WNK1: variants seen among roughly 807,000 people sequenced by gnomAD.
WNK1 encodes the protein WNK lysine deficient protein kinase 1.
WNK1 carries 38 observed loss-of-function variants against 222.8 expected under a neutral mutation model. The observed-to-expected ratio is 0.17, with a 90% CI of 0.13 to 0.22. The LOEUF is 0.22. WNK1 is among the 10% of genes least tolerant of loss of function. The probability of loss-of-function intolerance (pLI) is 1.00; values close to 1 mark genes in which losing one functional copy is unlikely to be tolerated. For synonymous variants in WNK1, 1,090 were observed against 1,092.9 expected (o/e 1.00, Z 0.05); for missense variants, 2,348 against 2,918.4 (o/e 0.80, Z 4.50).
At chr12:870,887 C>T (rs1308659546) in intron 8 of WNK1, among the ~76,000 whole-genome samples, 1 of 152,192 alleles carries the variant, frequency 6.6e-6, no homozygotes, top group Non-Finnish European at 1.5e-5. Context: ...AAATACCTTT[C>T]TTTAATTCTT....
At chr12:903,182 G>A (rs1162608663) in intron 26 of WNK1, among the ~76,000 whole-genome samples, 2 of 152,146 alleles carry the variant, frequency 1.3e-5, no homozygotes, top group African/African-American at 4.8e-5. Flanking sequence ...CCTATTATTT[G>A]TACCTGTATT....
chr12:866,996 G>A (rs531498776), intron 8 of WNK1, among the ~76,000 whole-genome samples: 298 of 152,158 alleles, frequency 2.0e-3, no homozygotes, highest in African/African-American at 6.6e-3. Context: ...GGTGGCGCAC[G>A]CGTGTAGTCC....
At position 868,515 on chromosome 12, in the gene WNK1, C is replaced by T. The variant is rs769973198; in HGVS notation, c.2140-2750C>T. The T allele has an allele frequency of 1.3e-5, 21 of 1,613,862 alleles. No individual in the cohort carries two copies. Among genetic ancestry groups the T allele is most frequent in the Non-Finnish European group, 1.8e-5 (21 of 1,179,880 alleles). On this transcript the variant is annotated intron_variant, in intron 8 of 27. Coordinates refer to ENST00000315939, the MANE Select transcript of WNK1 (RefSeq NM_018979.4). ...CCGGGATCTCCCCTCTCTAGTATTT[C>T]TGCACCTATCAGTACAGATGCTACA...
intron 23 of WNK1, among the ~76,000 whole-genome samples, chr12:894,890 G>A (rs971872315): frequency 3.9e-5 from 6 of 152,108 alleles, no homozygotes; most frequent in Admixed American, 3.9e-4. Flanking sequence ...ACTTTTTGGG[G>A]TGTATTTCCT....
At chr12:811,206 CATT>C (rs1421658738) in intron 1 of WNK1, among the ~76,000 whole-genome samples, 6 of 152,154 alleles carry the variant, frequency 3.9e-5, no homozygotes, top group Admixed American at 6.5e-5. Flanking sequence ...AAAATTTTAT[CATT>C]GTATTCATGA....
At chr12:809,192 G>A (rs1946670613) in intron 1 of WNK1, among the ~76,000 whole-genome samples, 1 of 145,430 alleles carries the variant, frequency 6.9e-6, no homozygotes, top group African/African-American at 2.6e-5. Flanking sequence ...AGAACAACCA[G>A]GTAACCAGAT....
At position 861,231 on chromosome 12, in the gene WNK1, AC is replaced by A; in HGVS notation, c.1841del (p.Pro614LeufsTer14). On this transcript the variant is annotated frameshift_variant, in exon 7 of 28. Transcript: ENST00000315939. LOFTEE classifies it high-confidence loss of function. Reference sequence around the variant, plus strand: ...AGCTCCCTTCTGCTAGCACCGGCATACCTACTGCTTCTACCACTTCAGCTTC... The same window carrying A: ...AGCTCCCTTCTGCTAGCACCGGCATACTACTGCTTCTACCACTTCAGCTTC... The part of the protein sequence containing the change: ...KQLPSASTGI[P>X]TASTTSASVS... 6.2e-7 allele frequency: 1 copy of A among 1,614,096 alleles called. No individual in the cohort carries two copies. Among genetic ancestry groups the A allele is most frequent in the Non-Finnish European group, 8.5e-7 (1 of 1,180,000 alleles).
rs1953584522 is a variant in WNK1 at position 885,676 on chromosome 12, A to G, written c.4872A>G (p.Pro1624=). The change falls in exon 19 of 28, where the codon CCA becomes CCG. Residue 1624 remains proline, a synonymous_variant. Coordinates refer to ENST00000315939, the MANE Select transcript of WNK1 (RefSeq NM_018979.4). ...CACTAATTCATAGTCAGCCTCAACC[A>G]GCTTTGCTTCCCAACCAGCCCCATA... ...QQTLIHSQPQ[P]ALLPNQPHTH... 6.2e-7 allele frequency: 1 copy of G among 1,614,168 alleles called. No individual in the cohort carries two copies. The highest frequency in any genetic ancestry group is 8.5e-7 in the Non-Finnish European group (1 of 1,180,018).
intron 1 of WNK1, among the ~76,000 whole-genome samples, chr12:787,517 G>A (rs1026092885): frequency 2.0e-5 from 3 of 152,178 alleles, no homozygotes; most frequent in African/African-American, 7.2e-5. Context: ...CTATTATTAG[G>A]TGTCAGTTAT....
intron 4 of WNK1, among the ~76,000 whole-genome samples, chr12:856,128 G>A (rs560127817): frequency 5.1e-4 from 77 of 151,532 alleles, no homozygotes; most frequent in Non-Finnish European, 7.8e-4. Context: ...TGTGAGCCAC[G>A]GCGCCCAACC....
intron 4 of WNK1, among the ~76,000 whole-genome samples, chr12:850,938 T>A (rs953000257): frequency 1.6e-4 from 24 of 152,224 alleles, no homozygotes; most frequent in Admixed American, 8.5e-4. Flanking sequence ...TATCTCTGTT[T>A]TGGTACCAGT....
At chr12:846,231 A>AG (rs1591985155) in intron 4 of WNK1, among the ~76,000 whole-genome samples, 2 of 152,202 alleles carry the variant, frequency 1.3e-5, no homozygotes, top group Admixed American at 1.3e-4. Context: ...TATTTAACAG[A>AG]GAAAAACTTA....
intron 4 of WNK1, among the ~76,000 whole-genome samples, chr12:834,622 G>A (rs1475268827): frequency 6.6e-6 from 1 of 152,162 alleles, no homozygotes; most frequent in South Asian, 2.1e-4. Context: ...ATTGCCATAC[G>A]ATCTTGAGCA....
At chr12:841,146 T>C (rs1949596301) in intron 4 of WNK1, among the ~76,000 whole-genome samples, 1 of 152,212 alleles carries the variant, frequency 6.6e-6, no homozygotes, top group Non-Finnish European at 1.5e-5. Flanking sequence ...TTTTTAAGTA[T>C]ACTGTTCACT....
intron 1 of WNK1, among the ~76,000 whole-genome samples, chr12:762,672 C>T (rs1472619269): frequency 6.8e-6 from 1 of 147,380 alleles, no homozygotes; most frequent in African/African-American, 2.4e-5. Flanking sequence ...AGATTAAAGG[C>T]ATACAGGGGG....
intron 1 of WNK1, among the ~76,000 whole-genome samples, chr12:780,264 A>G (rs1441694488): frequency 5.3e-5 from 8 of 152,240 alleles, no homozygotes; most frequent in African/African-American, 1.9e-4. Context: ...TATTTTGGAT[A>G]TACTTCAAGT....
In WNK1 at chr12:759,768, G is replaced by C. The variant is rs1050834544; in HGVS notation, c.759+5444G>C. ...TTGCCTGGGCTCAAATCAAGGCTCA[G>C]CTACATAATTGTGTCACCTTGAGCA... On this transcript the variant is annotated intron_variant, in intron 1 of 27. Coordinates refer to ENST00000315939, the MANE Select transcript of WNK1 (RefSeq NM_018979.4). Among the ~76,000 whole-genome samples, 3 of 148,008 alleles carry C rather than the reference G, an allele frequency of 2.0e-5. 1 individual carries two copies. Among genetic ancestry groups the C allele is most frequent in the Non-Finnish European group, 4.5e-5 (3 of 66,206 alleles).
At chr12:821,528 G>A (rs1172664007) in intron 2 of WNK1, among the ~76,000 whole-genome samples, 1 of 152,192 alleles carries the variant, frequency 6.6e-6, no homozygotes, top group African/African-American at 2.4e-5. Context: ...GTTGGGCAGT[G>A]TGTTCTAAAT....
chr12:753,711 G>A lies in WNK1; in HGVS notation c.146G>A (p.Gly49Asp), dbSNP rs1939531894. Residue 49 changes from glycine to aspartate, a missense_variant, in exon 1 of 28, where the codon GGC (glycine) becomes GAC (aspartate). By Grantham distance (94) the Gly-to-Asp change is moderately conservative. This residue lies in a region of WNK1 where 108 missense variants were observed against 109.7 expected (regional missense o/e 0.98). Coordinates refer to ENST00000315939, the MANE Select transcript of WNK1 (RefSeq NM_018979.4). This position sits in a 1 kb window ranked among gnomAD's most constrained non-coding sequence, Gnocchi z 5.2. ...GCCGCGGCCGCCGACGCTGTGACCG[G>A]CAGGACCGAGGAGTACAGGCGCCGC... is the stretch of plus-strand genomic sequence containing the variant. Reference protein sequence around the residue: ...LGAAAADAVTGRTEEYRRRRH... With the variant: ...LGAAAADAVTDRTEEYRRRRH... The A allele has an allele frequency of 6.2e-7, 1 of 1,612,098 alleles. No individual in the cohort carries two copies. Among genetic ancestry groups the A allele is most frequent in the African/African-American group, 1.3e-5 (1 of 75,032 alleles).
Sources: gnomAD v4.1 joint callset for allele counts (sites outside exome capture counted in the v4.1 genomes callset) on GRCh38, gnomAD v4.1.1 for gene constraint, gnomAD v4.1.1 regional missense constraint, Gnocchi (gnomAD v3.1) non-coding constraint, MANE v1.5 for transcripts, NCBI Gene and HGNC (gene_info 2026-07-23, HGNC 2026-07-21) for gene names.